The following KIAA0825 variants were observed in gnomAD, a reference collection of about 807,000 sequenced individuals.
The protein encoded by KIAA0825 is KIAA0825.
In KIAA0825, 119 loss-of-function variants were observed where a neutral mutation model predicts 147.6. That is an observed-to-expected ratio of 0.81 (90% CI 0.69 to 0.94). The LOEUF is 0.94. Ranked by LOEUF, KIAA0825 falls within the 40% of genes least tolerant of loss-of-function variation. The pLI is 0.00. For missense variants in KIAA0825, 1,381 were observed against 1,472.7 expected, an observed-to-expected ratio of 0.94 and a Z score of 1.02; for synonymous variants, 470 against 518.1, an observed-to-expected ratio of 0.91 and a Z score of 1.26.
At chr5:94,599,169 C>A (rs1785867301) in intron 1 of KIAA0825, among the ~76,000 whole-genome samples, 1 of 151,946 alleles carries the variant, frequency 6.6e-6, no homozygotes, top group South Asian at 2.1e-4. Flanking sequence ...TAATAGCCAT[C>A]CTAACTGGGA....
At chr5:94,240,104 CCT>C (rs1452351891) in intron 20 of KIAA0825, among the ~76,000 whole-genome samples, 1 of 152,072 alleles carries the variant, frequency 6.6e-6, no homozygotes, top group Non-Finnish European at 1.5e-5. Context: ...AATTTTTCAC[CCT>C]GTTTAGGAAA....
intron 20 of KIAA0825, among the ~76,000 whole-genome samples, chr5:94,291,599 C>G (rs1166253182): frequency 6.6e-6 from 1 of 152,034 alleles, no homozygotes; most frequent in Non-Finnish European, 1.5e-5. Context: ...TATACGGGCT[C>G]TTTTTGATTC....
At chr5:94,213,570 CT>C in intron 20 of KIAA0825, among the ~76,000 whole-genome samples, 1 of 152,282 alleles carries the variant, frequency 6.6e-6, no homozygotes, top group Middle Eastern at 3.4e-3. Context: ...CACAAAAGGC[CT>C]TTATGATGGG....
intron 2 of KIAA0825, among the ~76,000 whole-genome samples, chr5:94,577,517 C>T (rs1242665578): frequency 6.6e-6 from 1 of 152,202 alleles, no homozygotes; most frequent in Non-Finnish European, 1.5e-5. Flanking sequence ...GGGCCCCATC[C>T]CAGACCTAGT....
intron 20 of KIAA0825, among the ~76,000 whole-genome samples, chr5:94,181,867 T>C (rs538129830): frequency 2.0e-4 from 30 of 152,300 alleles, no homozygotes; most frequent in Admixed American, 9.2e-4. Flanking sequence ...TAGTGTGGGA[T>C]AAATTATGTC....
intron 1 of KIAA0825, chr5:94,592,898 A>G (rs1784603775): frequency 3.4e-6 from 2 of 586,954 alleles, no homozygotes; most frequent in Non-Finnish European, 3.2e-6. Context: ...ATTCAGATGA[A>G]TAAGTGTATA....
intron 19 of KIAA0825, among the ~76,000 whole-genome samples, chr5:94,385,191 CT>C (rs1748972189): frequency 1.3e-5 from 2 of 152,142 alleles, no homozygotes; most frequent in South Asian, 4.1e-4. Context: ...TAAACTCAAA[CT>C]TAGTACATTT....
intron 5 of KIAA0825, among the ~76,000 whole-genome samples, chr5:94,518,753 T>C (rs1767641246): frequency 1.3e-5 from 2 of 152,126 alleles, no homozygotes; most frequent in Non-Finnish European, 2.9e-5. Context: ...CCTACACTTG[T>C]GGAAAATGCT....
chr5:94,266,698 A>G (rs1250384936), intron 20 of KIAA0825, among the ~76,000 whole-genome samples: 1 of 152,210 alleles, frequency 6.6e-6, no homozygotes, highest in Non-Finnish European at 1.5e-5. Flanking sequence ...CTGTAAAGTA[A>G]TGCCACTCAT....
At chr5:94,290,162 T>G (rs747822625) in intron 20 of KIAA0825, among the ~76,000 whole-genome samples, 2 of 152,188 alleles carry the variant, frequency 1.3e-5, no homozygotes, top group Non-Finnish European at 2.9e-5. Context: ...TACTTTAAGT[T>G]CTGGGATACC....
chr5:94,265,173 A>G (rs111613590), intron 20 of KIAA0825, among the ~76,000 whole-genome samples: 1,945 of 152,242 alleles, frequency 0.013, 28 homozygotes, highest in Non-Finnish European at 0.02. Context: ...ATGTCATTCA[A>G]CTTAATTATA....
At chr5:94,288,673 G>GA (rs940716521) in intron 20 of KIAA0825, among the ~76,000 whole-genome samples, 3 of 152,102 alleles carry the variant, frequency 2.0e-5, no homozygotes, top group African/African-American at 7.2e-5. Flanking sequence ...TGAAATGTGA[G>GA]AAAAAACTTA....
intron 20 of KIAA0825, among the ~76,000 whole-genome samples, chr5:94,218,162 C>A (rs1773365625): frequency 1.3e-5 from 2 of 152,116 alleles, no homozygotes; most frequent in Admixed American, 1.3e-4. Context: ...CATCAAAAAG[C>A]AAATATTGGA....
chr5:94,485,072 C>A, intron 5 of KIAA0825, 142 bp from the exon 6 acceptor site: 1 of 471,856 alleles, frequency 2.1e-6, no homozygotes, highest in Non-Finnish European at 3.5e-6. Context: ...TTAAGAAATA[C>A]ATATAAAATC....
chr5:94,333,594 T>G (rs1208263901), intron 20 of KIAA0825, among the ~76,000 whole-genome samples: 1 of 152,184 alleles, frequency 6.6e-6, no homozygotes, highest in Admixed American at 6.5e-5. Context: ...ATACATCTGT[T>G]TTGGTACCAG....
At chr5:94,358,693 C>T (rs1744653115) in intron 20 of KIAA0825, among the ~76,000 whole-genome samples, 1 of 152,240 alleles carries the variant, frequency 6.6e-6, no homozygotes, top group South Asian at 2.1e-4. Flanking sequence ...TTTCCATTTT[C>T]TGATCCATGA....
intron 20 of KIAA0825, among the ~76,000 whole-genome samples, chr5:94,221,151 A>G (rs372559391): frequency 6.6e-6 from 1 of 152,186 alleles, no homozygotes; most frequent in Non-Finnish European, 1.5e-5. Flanking sequence ...TCCACAGACT[A>G]CGAGGTGTGA....
At chr5:94,260,366 G>C (rs1776433003) in intron 20 of KIAA0825, among the ~76,000 whole-genome samples, 1 of 152,086 alleles carries the variant, frequency 6.6e-6, no homozygotes, top group South Asian at 2.1e-4. Context: ...ACACTTTGTG[G>C]ATTGCAGTGC....
chr5:94,589,993 T>A (rs895282228), intron 1 of KIAA0825, among the ~76,000 whole-genome samples: 2 of 151,990 alleles, frequency 1.3e-5, no homozygotes, highest in African/African-American at 4.8e-5. Flanking sequence ...ATGGTTTCTT[T>A]TTTTCTTTGT....
Sources: allele counts gnomAD v4.1 joint callset (sites outside exome capture counted in the v4.1 genomes callset), GRCh38; gene constraint gnomAD v4.1.1; transcripts MANE v1.5; gene names NCBI Gene and HGNC (gene_info 2026-07-23, HGNC 2026-07-21).